Variants in NDE1 observed in about 807,000 individuals in gnomAD.
NDE1 encodes the protein nuclear distribution protein nudE homolog 1.
NDE1 carries 28 observed loss-of-function variants against 43.4 expected under a neutral mutation model. The observed-to-expected ratio is 0.65, with a 90% CI of 0.48 to 0.89. NDE1 has a LOEUF of 0.89. Ranked by LOEUF, NDE1 falls within the 40% of genes least tolerant of loss-of-function variation. NDE1 has a pLI of 0.00. For synonymous variants in NDE1, 184 were observed against 172.0 expected (o/e 1.07, Z -0.55); for missense variants, 441 against 434.1 (o/e 1.02, Z -0.14).
chr16:15,705,362 C>A (rs1458713312), intron 8 of NDE1, among the ~76,000 whole-genome samples: 1 of 152,176 alleles, frequency 6.6e-6, no homozygotes, highest in East Asian at 1.9e-4. Context: ...CGCTGGTTCT[C>A]TCTTGAGTTT....
intron 3 of NDE1, 37 bp from the exon 4 acceptor site, chr16:15,677,764 C>T: frequency 6.2e-7 from 1 of 1,613,420 alleles, no homozygotes; most frequent in Non-Finnish European, 8.5e-7. Flanking sequence ...TCTCAGAAGT[C>T]TTAAGTCATT....
At chr16:15,675,077 T>C (rs529221402) in intron 3 of NDE1, among the ~76,000 whole-genome samples, 218 of 152,208 alleles carry the variant, frequency 1.4e-3, no homozygotes, top group African/African-American at 5.1e-3. Context: ...ATGATTTGTC[T>C]GAAGATTGTG....
At chr16:15,694,887 T>C (rs2038936023) in intron 7 of NDE1, 2 of 985,396 alleles carry the variant, frequency 2.0e-6, no homozygotes, top group East Asian at 1.1e-4. Context: ...GGAAACTGCC[T>C]TCTCTTTTGG....
At chr16:15,644,049 C>G (rs1487997993) in intron 1 of NDE1, 1 of 151,898 alleles carries the variant, frequency 6.6e-6, no homozygotes, top group Non-Finnish European at 1.5e-5. Context: ...TAAGACTCAG[C>G]AAAAGGGTGA....
chr16:15,675,185 C>T (rs551434488), intron 3 of NDE1, among the ~76,000 whole-genome samples: 1 of 151,954 alleles, frequency 6.6e-6, no homozygotes, highest in South Asian at 2.1e-4. Context: ...AGTGTGCCTG[C>T]CTGCCCGCCC....
intron 5 of NDE1, among the ~76,000 whole-genome samples, chr16:15,689,282 G>A (rs1314824615): frequency 2.0e-5 from 3 of 152,142 alleles, no homozygotes; most frequent in Non-Finnish European, 4.4e-5. Flanking sequence ...TTGAGCCTAG[G>A]AGTTCAAGAT....
chr16:15,703,957 T>C (rs1293246149), intron 8 of NDE1: 1 of 1,613,766 alleles, frequency 6.2e-7, no homozygotes, highest in East Asian at 2.2e-5. Flanking sequence ...GGTTTTTGGT[T>C]TTCTTGCCGT....
intron 7 of NDE1, chr16:15,694,665 G>A (rs953424369): frequency 6.8e-5 from 67 of 985,208 alleles, no homozygotes; most frequent in Non-Finnish European, 7.5e-5. Flanking sequence ...TAGCAGTGTG[G>A]TGAGTTTTAG....
At chr16:15,671,298 G>A (rs1164858685) in intron 3 of NDE1, among the ~76,000 whole-genome samples, 2 of 152,088 alleles carry the variant, frequency 1.3e-5, no homozygotes, top group African/African-American at 4.8e-5. Context: ...GAGACCAGGA[G>A]TTCAAGGCCA....
chr16:15,662,615 C>T (rs949425243), intron 1 of NDE1, among the ~76,000 whole-genome samples: 6 of 152,032 alleles, frequency 3.9e-5, no homozygotes, highest in Non-Finnish European at 8.8e-5. Context: ...CTCACTTCAT[C>T]ACCCAGGCTT....
chr16:15,721,542 C>T, intron 8 of NDE1: 1 of 1,614,218 alleles, frequency 6.2e-7, no homozygotes, highest in Non-Finnish European at 8.5e-7. Context: ...GAGCCAGGGA[C>T]AGGGCCTTGG....
upstream of NDE1, among the ~76,000 whole-genome samples, chr16:15,646,121 T>C (rs577490563): frequency 1.3e-5 from 2 of 152,362 alleles, no homozygotes; most frequent in East Asian, 3.9e-4. Flanking sequence ...CTCTTTTTTC[T>C]TTATGGAAAA....
chr16:15,686,318 T>G, intron 4 of NDE1: 1 of 942,696 alleles, frequency 1.1e-6, no homozygotes, highest in African/African-American at 1.8e-5. Flanking sequence ...ACTATCCTTG[T>G]TTTGCATGAG....
chr16:15,676,264 T>C (rs2037875134), intron 3 of NDE1, among the ~76,000 whole-genome samples: 1 of 150,270 alleles, frequency 6.7e-6, no homozygotes, highest in Non-Finnish European at 1.5e-5. Context: ...TCGCTGTTAT[T>C]GCCCAGGCTG....
At chr16:15,688,095 C>T (rs1280913025) in intron 5 of NDE1, among the ~76,000 whole-genome samples, 1 of 152,188 alleles carries the variant, frequency 6.6e-6, no homozygotes, top group Admixed American at 6.5e-5. Flanking sequence ...ATGATTGCTT[C>T]AGCCCAGGAG....
intron 8 of NDE1, among the ~76,000 whole-genome samples, chr16:15,702,577 A>C (rs1490327056): frequency 5.4e-5 from 5 of 93,046 alleles, no homozygotes; most frequent in South Asian, 4.1e-4. Flanking sequence ...CAACAAAAAA[A>C]CACCTTTTTT....
Position 15,717,410 on chromosome 16 carries a change from C to G in NDE1, c.948-6781C>G, listed in dbSNP as rs991471559. 11 of 1,559,318 alleles carry G rather than the reference C, an allele frequency of 7.1e-6. No homozygotes were observed. In the Admixed American group the frequency reaches 1.9e-4, roughly 26 times the overall value. On this transcript the variant is annotated intron_variant, in intron 8 of 8. Transcript: ENST00000396354. Reference sequence around the variant, plus strand: ...GGAAGCCCAAGAGAGCGCACTGAGACCATGCCTCTTCCTGCCTTGTTTGGC... The same window carrying G: ...GGAAGCCCAAGAGAGCGCACTGAGAGCATGCCTCTTCCTGCCTTGTTTGGC...
At position 15,722,126 on chromosome 16, in the gene NDE1, G is replaced by A. The variant is rs145950940; in HGVS notation, c.948-2065G>A. Among the ~76,000 whole-genome samples, 209 of 152,076 alleles carry A rather than the reference G, an allele frequency of 1.4e-3. 1 individual carries two copies. Among genetic ancestry groups the A allele is most frequent in the African/African-American group, 4.6e-3 (190 of 41,462 alleles). ...CTCCTGCCTCGGCCTCCCAAAGCACGGAGATTACAGGTGTGAGCCACCACA... is the reference window on the plus strand; with the variant it reads ...CTCCTGCCTCGGCCTCCCAAAGCACAGAGATTACAGGTGTGAGCCACCACA... On this transcript the variant is annotated intron_variant, in intron 8 of 8. Transcript: ENST00000396354.
rs556395439 is a variant in NDE1 at position 15,719,054 on chromosome 16, G to A, written c.948-5137G>A. Reference sequence around the variant, plus strand: ...GAGGCAGGAGAATTGCTTGAACCTGGGAGGTGGAGGTTGCAGTGAGCCAAG... The same window carrying A: ...GAGGCAGGAGAATTGCTTGAACCTGAGAGGTGGAGGTTGCAGTGAGCCAAG... On this transcript the variant is annotated intron_variant, in intron 8 of 8. Transcript: ENST00000396354. 1.2e-4 allele frequency: 82 copies of A among 690,550 alleles called. No homozygotes were observed. The East Asian group carries it at 2.1e-3, about 18-fold the overall frequency. 42.8% of individuals were successfully genotyped at this position (690,550 alleles called of 1,614,324 possible).
Sources: allele counts gnomAD v4.1 joint callset (sites outside exome capture counted in the v4.1 genomes callset), GRCh38; gene constraint gnomAD v4.1.1; transcripts MANE v1.5; gene names NCBI Gene and HGNC (gene_info 2026-07-23, HGNC 2026-07-21).